Variants in ALAS2 observed in about 807,000 individuals in gnomAD.
ALAS2 encodes the protein 5-aminolevulinate synthase, erythroid-specific, mitochondrial.
In ALAS2, 3 loss-of-function variants were observed where a neutral mutation model predicts 33.7. That is an observed-to-expected ratio of 0.09 (90% CI 0.04 to 0.23). The LOEUF is 0.23. Ranked by LOEUF, ALAS2 falls within the 10% of genes least tolerant of loss-of-function variation. ALAS2 has a pLI of 1.00. For synonymous variants in ALAS2, 191 were observed against 177.3 expected, an observed-to-expected ratio of 1.08 and a Z score of -0.61; for missense variants, 304 against 475.1, an observed-to-expected ratio of 0.64 and a Z score of 3.35.
chrX:55,017,972 T>C (rs1260298614), intron 6 of ALAS2, among the ~76,000 whole-genome samples: 1 of 111,498 alleles, frequency 9.0e-6, no homozygotes, highest in Non-Finnish European at 1.9e-5. Flanking sequence ...ACGGGACCTA[T>C]TTTCCTTCTC....
At chrX:55,028,863 G>A (rs185965747) in intron 1 of ALAS2, among the ~76,000 whole-genome samples, 1 of 111,421 alleles carries the variant, frequency 9.0e-6, no homozygotes, top group Non-Finnish European at 1.9e-5. Context: ...ATAGGCTCTA[G>A]AGCCAAACTA....
Position 55,009,319 on chromosome X carries a change from G to C in ALAS2, c.1625C>G (p.Ala542Gly). 8.3e-7 allele frequency: 1 copy of C among 1,203,056 alleles called. No homozygotes were observed. Among genetic ancestry groups the C allele is most frequent in the South Asian group, 1.8e-5 (1 of 55,293 alleles). Residue 542 changes from alanine to glycine, a missense_variant, in exon 11 of 11, where the codon GCG becomes GGG. Ala to Gly is a moderately conservative substitution (Grantham distance 60). This residue lies in a region of ALAS2 where 95 missense variants were observed against 127.0 expected (regional missense o/e 0.75). Transcript: ENST00000650242. ...FVEKLLLAWT[A>G]VGLPLQDVSV... ...CACATCCTGGAGGGGCAGCCCCACC[G>C]CAGTCCAAGCCAGCAGCAGCTTCTC...
intron 1 of ALAS2, among the ~76,000 whole-genome samples, chrX:55,029,307 A>G (rs1264035276): frequency 9.0e-6 from 1 of 111,400 alleles, no homozygotes; most frequent in Non-Finnish European, 1.9e-5. Context: ...AGATAATTTC[A>G]TAGATTCCGC....
Position 55,025,855 on chromosome X carries a change from G to A in ALAS2, c.146C>T (p.Ser49Phe), listed in dbSNP as rs1377796468. 2.5e-6 allele frequency: 3 copies of A among 1,209,835 alleles called. No individual in the cohort carries two copies. The highest frequency in any genetic ancestry group is 3.0e-5 in the East Asian group (1 of 33,753). ...CTTTGTTGCCTTAAGGTGGATTTGAGAACAGTTTGGTCCTTGGGTAGCCAG... is the reference window on the plus strand; with the variant it reads ...CTTTGTTGCCTTAAGGTGGATTTGAAAACAGTTTGGTCCTTGGGTAGCCAG... Reference protein sequence around the residue: ...PILATQGPNCSQIHLKATKAG... With the variant: ...PILATQGPNCFQIHLKATKAG... The change falls in exon 2 of 11, where the codon TCT becomes TTT. Residue 49 changes from serine (S) to phenylalanine (F), a missense_variant. Around this residue, in one of 3 missense-constraint regions of ALAS2, gnomAD observed 71 missense variants for 82.8 expected, o/e 0.86. Transcript: ENST00000650242.
intron 10 of ALAS2, among the ~76,000 whole-genome samples, chrX:55,012,977 G>T (rs966751002): frequency 1.2e-4 from 13 of 111,343 alleles, no homozygotes; most frequent in Non-Finnish European, 2.1e-4. Flanking sequence ...ATACTCCCCT[G>T]CCCCACTCCA....
At chrX:55,023,977 T>G (rs1935849355) in intron 3 of ALAS2, 110 bp from the exon 4 acceptor site, 1 of 602,877 alleles carries the variant, frequency 1.7e-6, no homozygotes, top group African/African-American at 2.2e-5. Flanking sequence ...GTTTATAAGG[T>G]AAGGGCAGCT....
At chrX:55,017,429 T>C in intron 7 of ALAS2, 57 bp downstream of exon 7, 2 of 1,018,836 alleles carry the variant, frequency 2.0e-6, no homozygotes, top group Admixed American at 2.2e-5. Context: ...ATCATCATGA[T>C]CATCATGGTT....
At chrX:55,023,424 G>A (rs1360733325) in intron 4 of ALAS2, among the ~76,000 whole-genome samples, 1 of 110,968 alleles carries the variant, frequency 9.0e-6, no homozygotes, top group Non-Finnish European at 1.9e-5. Context: ...GGGAAAAGGT[G>A]CTGTATGAAG....
intron 10 of ALAS2, among the ~76,000 whole-genome samples, chrX:55,009,792 C>T (rs181928158): frequency 8.9e-6 from 1 of 111,821 alleles, no homozygotes; most frequent in Admixed American, 9.4e-5. Context: ...AGGAAGTACC[C>T]CAGGTACGTT....
At position 55,015,623 on chromosome X, in the gene ALAS2, G is replaced by A; in HGVS notation, c.1123C>T (p.Arg375Cys). ...YGSRGAGIGE[R>C]DGIMHKIDII... The stretch of plus-strand genomic sequence containing the variant: ...TCAATCTTATGCATAATTCCATCAC[G>A]CTCCCCAATCCCAGCGCCCCGGGAC... The change falls in exon 8 of 11, where the codon CGT becomes TGT. Residue 375 changes from arginine to cysteine, a missense_variant. Arg to Cys is a radical substitution (Grantham distance 180). Around this residue, in one of 3 missense-constraint regions of ALAS2, gnomAD observed 138 missense variants for 265.3 expected, o/e 0.52. Coordinates refer to ENST00000650242, the MANE Select transcript of ALAS2 (RefSeq NM_000032.5). The A allele has an allele frequency of 8.3e-7, 1 of 1,211,053 alleles. No individual in the cohort carries two copies. The highest frequency in any genetic ancestry group is 1.1e-6 in the Non-Finnish European group (1 of 895,323).
chrX:55,024,249 C>A (rs1395758657), intron 3 of ALAS2, among the ~76,000 whole-genome samples: 1 of 111,855 alleles, frequency 8.9e-6, no homozygotes, highest in Non-Finnish European at 1.9e-5. Flanking sequence ...CCCAAAGGGG[C>A]CTATGAAAGA....
intron 10 of ALAS2, among the ~76,000 whole-genome samples, chrX:55,011,757 T>C (rs1199914585): frequency 9.0e-6 from 1 of 111,431 alleles, no homozygotes; most frequent in Non-Finnish European, 1.9e-5. Flanking sequence ...CCAAGAATAC[T>C]GAGAGCTCTA....
At chrX:55,022,655 C>T (rs928951515) in intron 4 of ALAS2, among the ~76,000 whole-genome samples, 1 of 111,712 alleles carries the variant, frequency 9.0e-6, no homozygotes, top group South Asian at 3.7e-4. Flanking sequence ...CCAAGAATTT[C>T]CACCACTGAG....
At chrX:55,023,730 C>A in intron 4 of ALAS2, 27 bp downstream of exon 4, 1 of 1,161,797 alleles carries the variant, frequency 8.6e-7, no homozygotes, top group South Asian at 1.8e-5. Context: ...ATTCCGGTCC[C>A]CTTTTTTTCC....
chrX:55,030,280 A>G (rs1935973225), intron 1 of ALAS2, among the ~76,000 whole-genome samples: 1 of 111,875 alleles, frequency 8.9e-6, no homozygotes, highest in Non-Finnish European at 1.9e-5. Flanking sequence ...TACTTTCTGT[A>G]TAGTGACACT....
chrX:55,010,146 A>G (rs971713133), intron 10 of ALAS2, among the ~76,000 whole-genome samples: 2 of 111,109 alleles, frequency 1.8e-5, no homozygotes, highest in African/African-American at 6.6e-5. Flanking sequence ...CTCTTACCCT[A>G]TATCCCATCT....
intron 6 of ALAS2, among the ~76,000 whole-genome samples, chrX:55,018,752 C>T (rs996201913): frequency 3.6e-5 from 4 of 110,701 alleles, no homozygotes; most frequent in Non-Finnish European, 7.6e-5. Flanking sequence ...AATGGGGGTC[C>T]ACTAAAGGGT....
At chrX:55,024,462 A>C (rs1935856423) in intron 3 of ALAS2, among the ~76,000 whole-genome samples, 1 of 112,017 alleles carries the variant, frequency 8.9e-6, no homozygotes, top group Non-Finnish European at 1.9e-5. Flanking sequence ...CCTGAAAAAG[A>C]GGAGTCAAAA....
intron 3 of ALAS2, 126 bp from the exon 4 acceptor site, chrX:55,023,993 A>G: frequency 1.9e-6 from 1 of 539,151 alleles, no homozygotes; most frequent in Non-Finnish European, 3.2e-6. Context: ...CAGCTTCTAC[A>G]GCGAGAAGAA....
Sources: gnomAD v4.1 joint callset for allele counts (sites outside exome capture counted in the v4.1 genomes callset) on GRCh38, gnomAD v4.1.1 for gene constraint, gnomAD v4.1.1 regional missense constraint, MANE v1.5 for transcripts, NCBI Gene and HGNC (gene_info 2026-07-23, HGNC 2026-07-21) for gene names.